ALOX5: variants seen among roughly 807,000 people sequenced by gnomAD.
ALOX5 encodes polyunsaturated fatty acid 5-lipoxygenase.
In ALOX5, 64 loss-of-function variants were observed where a neutral mutation model predicts 87.9. The observed-to-expected ratio is 0.73, with a 90% CI of 0.60 to 0.90. ALOX5 has a LOEUF of 0.90. Among genes scored for constraint, ALOX5 ranks in the 40% least tolerant of loss-of-function variants. The pLI is 0.00. For synonymous variants in ALOX5, 388 were observed against 355.1 expected, an observed-to-expected ratio of 1.09 and a Z score of -1.04; for missense variants, 822 against 907.5, an observed-to-expected ratio of 0.91 and a Z score of 1.21.
At chr10:45,442,329 C>T (rs1000472971) in intron 9 of ALOX5, among the ~76,000 whole-genome samples, 12 of 152,332 alleles carry the variant, frequency 7.9e-5, no homozygotes, top group African/African-American at 2.9e-4. Context: ...CTCCCAGCCG[C>T]ATCTAAACAG....
Position 45,444,174 on chromosome 10 carries a change from C to T in ALOX5, c.1733C>T (p.Thr578Ile), listed in dbSNP as rs1384960506. The T allele has an allele frequency of 1.3e-6, 2 of 1,556,770 alleles. No homozygotes were observed. The highest frequency in any genetic ancestry group is 2.4e-5 in the East Asian group (1 of 41,508). ...APPTMRAPPP[T>I]AKGVVTIEQI... ...CCAACCATGCGAGCCCCGCCACCGA[C>T]TGCCAAGGGCGTGGTGACCATTGAG... The change falls in exon 13 of 14, where the codon ACT becomes ATT. Residue 578 changes from threonine (T) to isoleucine (I), a missense_variant. By Grantham distance (89) the Thr-to-Ile change is moderately conservative. Transcript: ENST00000374391.
At chr10:45,443,364 C>T in intron 10 of ALOX5, 52 bp from the exon 11 acceptor site, 3 of 1,594,106 alleles carry the variant, frequency 1.9e-6, no homozygotes, top group Non-Finnish European at 2.6e-6. Flanking sequence ...CGCCGGGCAC[C>T]GCTCCGCAGA....
chr10:45,389,640 T>C (rs1840136500), intron 2 of ALOX5, among the ~76,000 whole-genome samples: 1 of 152,130 alleles, frequency 6.6e-6, no homozygotes, highest in South Asian at 2.1e-4. Flanking sequence ...GACAAGCAAA[T>C]GCTGAGAGAT....
At position 45,425,881 on chromosome 10, in the gene ALOX5, C is replaced by A. The variant is rs1372515313; in HGVS notation, c.834+749C>A. Among the ~76,000 whole-genome samples, 1 of 152,172 alleles carries A rather than the reference C, an allele frequency of 6.6e-6. No homozygotes were observed. Among genetic ancestry groups the A allele is most frequent in the Non-Finnish European group, 1.5e-5 (1 of 68,028 alleles). ...CTTTTGAGCTCAGCTTACCCTGAGG[C>A]CCTAGTTGGAGAGGGATGGTTGGTG... On this transcript the variant is annotated intron_variant, in intron 6 of 13. Transcript: ENST00000374391. This position sits in a 1 kb window ranked among gnomAD's most constrained non-coding sequence, Gnocchi z 4.4.
intron 1 of ALOX5, among the ~76,000 whole-genome samples, chr10:45,375,778 C>G (rs1445124445): frequency 2.6e-5 from 4 of 152,244 alleles, no homozygotes; most frequent in African/African-American, 9.6e-5. Flanking sequence ...GAGCTCCCTT[C>G]AAGAAGAGTT....
At chr10:45,442,391 G>A (rs1255735910) in intron 9 of ALOX5, among the ~76,000 whole-genome samples, 1 of 152,224 alleles carries the variant, frequency 6.6e-6, no homozygotes, top group Non-Finnish European at 1.5e-5. Context: ...AATGCCCACC[G>A]TGGACCAATC....
At chr10:45,383,459 C>T (rs545242504) in intron 2 of ALOX5, among the ~76,000 whole-genome samples, 45 of 152,350 alleles carry the variant, frequency 3.0e-4, no homozygotes, top group African/African-American at 1.1e-3. Flanking sequence ...CATAACCCTT[C>T]AGCTTGCTCT....
At chr10:45,393,404 C>T (rs1840368369) in intron 2 of ALOX5, among the ~76,000 whole-genome samples, 2 of 152,158 alleles carry the variant, frequency 1.3e-5, no homozygotes, top group African/African-American at 4.8e-5. Flanking sequence ...AATTCAACAA[C>T]CATTCATGCT....
In ALOX5 at chr10:45,444,284, G is replaced by A. The variant is rs1414809212; in HGVS notation, c.1843G>A (p.Glu615Lys). ...VWALSQFQEN[E>K]LFLGMYPEEH... The stretch of plus-strand genomic sequence containing the variant: ...GGCGCTGAGCCAGTTCCAGGAAAAC[G>A]AGGTGAAGCTGGGCAGGGCGGGGCA... Residue 615 changes from glutamate to lysine, a missense_variant and splice_region_variant, in exon 13 of 14, where the codon GAG becomes AAG. Transcript: ENST00000374391. The A allele has an allele frequency of 1.9e-6, 3 of 1,552,512 alleles. No individual in the cohort carries two copies. Among genetic ancestry groups the A allele is most frequent in the Admixed American group, 2.0e-5 (1 of 51,084 alleles).
chr10:45,428,191 A>G (rs927634828), intron 6 of ALOX5, among the ~76,000 whole-genome samples: 3 of 111,468 alleles, frequency 2.7e-5, no homozygotes, highest in African/African-American at 7.0e-5. Flanking sequence ...TCTTCCTCCC[A>G]AGGGAGACCC....
intron 3 of ALOX5, among the ~76,000 whole-genome samples, chr10:45,401,161 C>G (rs925957718): frequency 3.9e-5 from 6 of 152,148 alleles, no homozygotes; most frequent in Non-Finnish European, 7.3e-5. Flanking sequence ...TCATTTCCTG[C>G]TTTGGCCCCT....
chr10:45,409,605 T>C (rs756805198), intron 3 of ALOX5, among the ~76,000 whole-genome samples: 2 of 149,658 alleles, frequency 1.3e-5, no homozygotes, highest in Non-Finnish European at 3.0e-5. Context: ...CTGTCTCTCT[T>C]GCTTTCTCTC....
At chr10:45,411,231 G>T (rs1841051845) in intron 3 of ALOX5, among the ~76,000 whole-genome samples, 1 of 152,172 alleles carries the variant, frequency 6.6e-6, no homozygotes, top group Non-Finnish European at 1.5e-5. Context: ...TCTTAGTTTT[G>T]TTGGGTTTTG....
intron 9 of ALOX5, among the ~76,000 whole-genome samples, chr10:45,442,122 T>C (rs1842254867): frequency 6.6e-6 from 1 of 152,148 alleles, no homozygotes; most frequent in African/African-American, 2.4e-5. Flanking sequence ...CTGGACACAA[T>C]AGAGGGTCGG....
Position 45,440,878 on chromosome 10 carries a change from T to G in ALOX5, c.1185+245T>G, listed in dbSNP as rs577859005. Among the ~76,000 whole-genome samples the G allele has an allele frequency of 4.1e-4, 63 of 152,044 alleles. 3 individuals are homozygous for G. In the South Asian group the frequency reaches 0.012, roughly 30 times the overall value. On this transcript the variant is annotated intron_variant, in intron 8 of 13. Coordinates refer to ENST00000374391, the MANE Select transcript of ALOX5 (RefSeq NM_000698.5). ...GGGCCTCGCTGGCCAGCCAGTAGAG[T>G]TGGAAAAGGCAAATGAGTTCATGGT...
intron 4 of ALOX5, among the ~76,000 whole-genome samples, chr10:45,421,872 C>T (rs1022516337): frequency 3.9e-5 from 6 of 152,212 alleles, no homozygotes; most frequent in Non-Finnish European, 8.8e-5. Flanking sequence ...CCAGGCTGTG[C>T]CATGGCAACT....
At chr10:45,419,204 G>A (rs1165005339) in intron 4 of ALOX5, among the ~76,000 whole-genome samples, 1 of 152,256 alleles carries the variant, frequency 6.6e-6, no homozygotes, top group Non-Finnish European at 1.5e-5. Context: ...GGCCGCCTTT[G>A]CGGTCAGGTG....
At chr10:45,442,485 G>T (rs1258399382) in intron 9 of ALOX5, 2 of 152,556 alleles carry the variant, frequency 1.3e-5, no homozygotes, top group East Asian at 3.8e-4. Flanking sequence ...GCATGTGTGT[G>T]TGTGCACGTG....
At chr10:45,384,161 G>A (rs1028927562) in intron 2 of ALOX5, among the ~76,000 whole-genome samples, 1 of 152,190 alleles carries the variant, frequency 6.6e-6, no homozygotes, top group Admixed American at 6.5e-5. Flanking sequence ...GAAGTATCCT[G>A]GAGACAGCAC....
Sources: allele counts gnomAD v4.1 joint callset (sites outside exome capture counted in the v4.1 genomes callset), GRCh38; gene constraint gnomAD v4.1.1; non-coding constraint Gnocchi (gnomAD v3.1); transcripts MANE v1.5; gene names NCBI Gene and HGNC (gene_info 2026-07-23, HGNC 2026-07-21).